Variants in ERO1A observed in about 807,000 individuals in gnomAD.
ERO1A encodes endoplasmic reticulum oxidoreductase 1 alpha.
Under a neutral mutation model 76.9 loss-of-function variants are expected in ERO1A, and 49 were observed. The observed-to-expected ratio is 0.64, with a 90% CI of 0.51 to 0.81. ERO1A has a LOEUF of 0.81. Among genes scored for constraint, ERO1A ranks in the 30% least tolerant of loss-of-function variants. ERO1A has a pLI of 0.00. For synonymous variants in ERO1A, 174 were observed against 181.2 expected (o/e 0.96, Z 0.32); for missense variants, 448 against 542.1 (o/e 0.83, Z 1.72).
At chr14:52,657,894 G>A in intron 11 of ERO1A, 23 bp downstream of exon 11, 1 of 1,513,996 alleles carries the variant, frequency 6.6e-7, no homozygotes. Flanking sequence ...GTGGTAGACT[G>A]AATAAAAGTA....
rs2039544038 is a variant in ERO1A, at chr14:52,643,536, TGTCCAGAAACA to T, written c.*23_*33del. The T allele has an allele frequency of 7.2e-7, 1 of 1,396,410 alleles. No individual in the cohort carries two copies. The highest frequency in any genetic ancestry group is 2.9e-5 in the Admixed American group (1 of 34,188). The allele number at this position is 1,396,410 out of a possible 1,614,324, so 86.5% of individuals were successfully genotyped here. Reference sequence around the variant, plus strand: ...TGAAATTCCACTCTTTCGCCTCCATTGTCCAGAAACAGGCACATATCAGCTTGTTTTCTTTA... The same window carrying T: ...TGAAATTCCACTCTTTCGCCTCCATTGGCACATATCAGCTTGTTTTCTTTA... On this transcript the variant is annotated 3_prime_UTR_variant, in exon 16 of 16. Transcript: ENST00000395686.
chr14:52,676,361 T>G (rs1043727038), intron 4 of ERO1A, among the ~76,000 whole-genome samples: 7 of 152,196 alleles, frequency 4.6e-5, no homozygotes, highest in Non-Finnish European at 8.8e-5. Context: ...GGTTTCTATT[T>G]ATTTACCATG....
At chr14:52,685,108 A>G (rs574657748) in intron 1 of ERO1A, among the ~76,000 whole-genome samples, 33 of 152,274 alleles carry the variant, frequency 2.2e-4, no homozygotes, top group African/African-American at 7.5e-4. Flanking sequence ...ATAATACTCT[A>G]TTGAAATACT....
chr14:52,680,792 T>C (rs909400327), intron 3 of ERO1A, among the ~76,000 whole-genome samples: 12 of 152,210 alleles, frequency 7.9e-5, no homozygotes, highest in Admixed American at 5.9e-4. Flanking sequence ...TGTATCTATA[T>C]GAGGATTAAT....
At chr14:52,665,096 G>A (rs1477511653) in intron 7 of ERO1A, among the ~76,000 whole-genome samples, 6 of 151,744 alleles carry the variant, frequency 4.0e-5, no homozygotes, top group East Asian at 3.9e-4. Flanking sequence ...GAGGTCAGGA[G>A]TTCAAGAACA....
At position 52,643,545 on chromosome 14, in the gene ERO1A, A is replaced by G; in HGVS notation, c.*25T>C. The G allele has an allele frequency of 6.9e-7, 1 of 1,444,532 alleles. No homozygotes were observed. Among genetic ancestry groups the G allele is most frequent in the East Asian group, 2.7e-5 (1 of 36,620 alleles). The allele number at this position is 1,444,532 out of a possible 1,614,324, so 89.5% of individuals were successfully genotyped here. On this transcript the variant is annotated 3_prime_UTR_variant, in exon 16 of 16. Coordinates refer to ENST00000395686, the MANE Select transcript of ERO1A (RefSeq NM_014584.3). ...ACTCTTTCGCCTCCATTGTCCAGAA[A>G]CAGGCACATATCAGCTTGTTTTCTT...
At chr14:52,662,477 A>T (rs1224938671) in intron 8 of ERO1A, among the ~76,000 whole-genome samples, 1 of 152,238 alleles carries the variant, frequency 6.6e-6, no homozygotes, top group Non-Finnish European at 1.5e-5. Context: ...CTTTTCAAAT[A>T]AATTTTTAAA....
chr14:52,695,513 G>A lies in ERO1A; in HGVS notation c.-32C>T, dbSNP rs2041528768. ...TCCGGCAGCTTGTCGCCCCACGCTT[G>A]GGAGGCCAGTCCGCACGCTCGGTCG... On this transcript the variant is annotated 5_prime_UTR_variant, in exon 1 of 16. Coordinates refer to ENST00000395686, the MANE Select transcript of ERO1A (RefSeq NM_014584.3). The A allele has an allele frequency of 1.4e-6, 2 of 1,436,732 alleles. No homozygotes were observed. The highest frequency in any genetic ancestry group is 9.3e-7 in the Non-Finnish European group (1 of 1,076,406). 89.0% of individuals were successfully genotyped at this position (1,436,732 alleles called of 1,614,324 possible).
Position 52,695,355 on chromosome 14 carries a change from G to T in ERO1A, c.114+13C>A. On this transcript the variant is annotated intron_variant, in intron 1 of 15. Transcript: ENST00000395686. The stretch of plus-strand genomic sequence containing the variant: ...GCGCCGGGACCCTCAGCACCAACGC[G>T]CACATCGCTCACCTGGCAGAAGCAC... 7.0e-7 allele frequency: 1 copy of T among 1,425,024 alleles called. No homozygotes were observed. 88.3% of individuals were successfully genotyped at this position (1,425,024 alleles called of 1,614,324 possible).
chr14:52,645,939 G>A (rs971163556), intron 15 of ERO1A, among the ~76,000 whole-genome samples: 8 of 152,080 alleles, frequency 5.3e-5, no homozygotes, highest in Admixed American at 3.3e-4. Context: ...GGGAGGCTAA[G>A]TTGGGAGAAT....
chr14:52,677,968 A>G (rs2040857004), intron 4 of ERO1A, among the ~76,000 whole-genome samples: 1 of 151,794 alleles, frequency 6.6e-6, no homozygotes, highest in African/African-American at 2.4e-5. Context: ...TATTTTCTAT[A>G]ATAAAATGCT....
chr14:52,695,357 A>C lies in ERO1A; in HGVS notation c.114+11T>G, dbSNP rs199984563. The stretch of plus-strand genomic sequence containing the variant: ...GCCGGGACCCTCAGCACCAACGCGC[A>C]CATCGCTCACCTGGCAGAAGCACCT... On this transcript the variant is annotated intron_variant, in intron 1 of 15. Transcript: ENST00000395686. The C allele has an allele frequency of 1.4e-4, 197 of 1,430,684 alleles. No individual in the cohort carries two copies. The Middle Eastern group carries it at 1.9e-3, about 14-fold the overall frequency. The allele number at this position is 1,430,684 out of a possible 1,614,324, so 88.6% of individuals were successfully genotyped here.
At position 52,652,269 on chromosome 14, in the gene ERO1A, A is replaced by AT; in HGVS notation, c.1094_1095insA (p.Gly366TrpfsTer3). On this transcript the variant is annotated frameshift_variant, in exon 13 of 16. Transcript: ENST00000395686. LOFTEE classifies it high-confidence loss of function. ...GTTTGTGTGCTTCTTTTTTATCCCC[A>AT]GCAAAAAATGAATTCTCATCAAAAT... 6.2e-7 allele frequency: 1 copy of AT among 1,610,960 alleles called. No homozygotes were observed. The highest frequency in any genetic ancestry group is 8.5e-7 in the Non-Finnish European group (1 of 1,177,266).
intron 3 of ERO1A, among the ~76,000 whole-genome samples, chr14:52,680,082 C>CAAAAAAAAAAAAAAAAAAAA (rs35358193): frequency 1.1e-5 from 1 of 90,932 alleles, no homozygotes; most frequent in Non-Finnish European, 2.2e-5. Flanking sequence ...AAAACACAAA[C>CAAAAAAAAAAAAAAAAAAAA]AAAAAAAAAA....
intron 15 of ERO1A, among the ~76,000 whole-genome samples, 161 bp from the exon 16 acceptor site, chr14:52,643,791 C>T (rs995973938): frequency 5.9e-5 from 9 of 151,962 alleles, no homozygotes; most frequent in African/African-American, 1.2e-4. Context: ...GTTCTTAATT[C>T]GACAAGGTAA....
At chr14:52,644,984 C>G (rs986760603) in intron 15 of ERO1A, among the ~76,000 whole-genome samples, 8 of 152,098 alleles carry the variant, frequency 5.3e-5, no homozygotes, top group African/African-American at 1.9e-4. Flanking sequence ...CTCAGCATTT[C>G]TTGCATGATA....
Position 52,662,973 on chromosome 14 carries a change from G to A in ERO1A, c.676+828C>T, listed in dbSNP as rs75372927. ...AAGAGGAAAACAAGTAAAAACAAAC[G>A]CATGCATCAGATTACTTCATGAGGA... On this transcript the variant is annotated intron_variant, in intron 8 of 15. Transcript: ENST00000395686. Among the ~76,000 whole-genome samples, 660 of 152,250 alleles carry A rather than the reference G, an allele frequency of 4.3e-3. 10 individuals carry two copies. The highest frequency in any genetic ancestry group is 0.035 in the Admixed American group (534 of 15,284).
intron 2 of ERO1A, among the ~76,000 whole-genome samples, chr14:52,682,843 G>A (rs1216280483): frequency 6.6e-6 from 1 of 151,218 alleles, no homozygotes; most frequent in East Asian, 1.9e-4. Context: ...AGGGCGCAGT[G>A]AGCCAAGGTC....
chr14:52,649,894 G>C (rs924991884), intron 13 of ERO1A, among the ~76,000 whole-genome samples: 1 of 152,134 alleles, frequency 6.6e-6, no homozygotes, highest in African/African-American at 2.4e-5. Context: ...AGAATGAAAA[G>C]CAGAGGAAGA....
Sources: gnomAD v4.1 joint callset for allele counts (sites outside exome capture counted in the v4.1 genomes callset) on GRCh38, gnomAD v4.1.1 for gene constraint, MANE v1.5 for transcripts, NCBI Gene and HGNC (gene_info 2026-07-23, HGNC 2026-07-21) for gene names.